Variants in MYH3 observed in about 807,000 individuals in gnomAD.
The protein encoded by MYH3 is myosin heavy chain 3.
A neutral mutation model predicts 238.0 loss-of-function variants in MYH3; 130 were observed. That is an observed-to-expected ratio of 0.55 (90% CI 0.47 to 0.63). The LOEUF (loss-of-function observed/expected upper bound fraction) is 0.63. Ranked by LOEUF, MYH3 falls within the 30% of genes least tolerant of loss-of-function variation. MYH3 has a pLI of 0.00. For synonymous variants in MYH3, 880 were observed against 924.1 expected (o/e 0.95, Z 0.86); for missense variants, 1,853 against 2,374.9 (o/e 0.78, Z 4.57).
chr17:10,658,357 C>G (rs1033607728), upstream of MYH3, among the ~76,000 whole-genome samples: 2 of 152,082 alleles, frequency 1.3e-5, no homozygotes, highest in African/African-American at 4.8e-5. Flanking sequence ...TAGAAACCGC[C>G]CCTTCCGTAC....
intron 32 of MYH3, 135 bp downstream of exon 32, chr17:10,633,882 T>G: frequency 6.8e-7 from 1 of 1,460,782 alleles, no homozygotes; most frequent in Non-Finnish European, 9.5e-7. Context: ...ACCCGTCAGA[T>G]GGTGAACACT....
At chr17:10,637,960 A>C (rs748735819) in intron 27 of MYH3, 25 bp from the exon 28 acceptor site, 23 of 1,614,088 alleles carry the variant, frequency 1.4e-5, no homozygotes, top group Non-Finnish European at 1.9e-5. Context: ...AAGGGGAGCA[A>C]AGTCAGTCAG....
At chr17:10,657,233 C>T (rs1272390958) in intron 1 of MYH3, 56 bp downstream of exon 1, 3 of 152,290 alleles carry the variant, frequency 2.0e-5, no homozygotes, top group Non-Finnish European at 4.4e-5. Flanking sequence ...TGGATGTGCT[C>T]ACCGGGTGGG....
intron 30 of MYH3, 121 bp from the exon 31 acceptor site, chr17:10,635,144 C>G: frequency 7.5e-7 from 1 of 1,336,020 alleles, no homozygotes; most frequent in Non-Finnish European, 1.0e-6. Context: ...TTTATACGCC[C>G]AGGAGAATTT....
chr17:10,661,997 A>G (rs1345429933), upstream of MYH3, among the ~76,000 whole-genome samples: 2 of 150,806 alleles, frequency 1.3e-5, no homozygotes, highest in Non-Finnish European at 3.0e-5. Flanking sequence ...TATATTATGC[A>G]CCTTCCCCAG....
At chr17:10,634,742 G>C in intron 31 of MYH3, 98 bp downstream of exon 31, 2 of 1,460,060 alleles carry the variant, frequency 1.4e-6, no homozygotes, top group Non-Finnish European at 1.9e-6. Flanking sequence ...CACTGCTGGT[G>C]AGGGCAGAGT....
intron 19 of MYH3, 120 bp from the exon 20 acceptor site, chr17:10,640,806 C>G (rs1201652523): frequency 6.1e-6 from 8 of 1,303,284 alleles, no homozygotes; most frequent in Non-Finnish European, 8.6e-6. Context: ...GATGAGGGAA[C>G]TAGCTCGGAG....
chr17:10,652,211 G>A, intron 4 of MYH3: 1 of 671,936 alleles, frequency 1.5e-6, no homozygotes, highest in Middle Eastern at 4.0e-4. Flanking sequence ...CCGCTCTCCG[G>A]CTCCTGGTCC....
intron 4 of MYH3, 115 bp from the exon 5 acceptor site, chr17:10,651,783 CA>C (rs2074378615): frequency 7.2e-7 from 1 of 1,380,670 alleles, no homozygotes; most frequent in Non-Finnish European, 9.7e-7. Context: ...CTCACTCTGT[CA>C]CCAGGCTGGA....
intron 28 of MYH3, among the ~76,000 whole-genome samples, chr17:10,637,352 A>C (rs961887738): frequency 1.3e-5 from 2 of 151,974 alleles, no homozygotes; most frequent in Admixed American, 1.3e-4. Context: ...GAGCTACCAC[A>C]CCCGGCCTCC....
upstream of MYH3, among the ~76,000 whole-genome samples, chr17:10,661,945 A>G (rs550379009): frequency 1.3e-5 from 2 of 152,310 alleles, no homozygotes; most frequent in African/African-American, 4.8e-5. Flanking sequence ...GAAGAAATTC[A>G]AGAAGAGAGA....
chr17:10,669,984 A>G, the MYH3 span, among the ~76,000 whole-genome samples: 1 of 152,234 alleles, frequency 6.6e-6, no homozygotes, highest in African/African-American at 2.4e-5. Context: ...TTTAAGGCAC[A>G]AGAGAGATTT....
chr17:10,660,198 C>T (rs1237320883), upstream of MYH3, among the ~76,000 whole-genome samples: 5 of 152,228 alleles, frequency 3.3e-5, no homozygotes, highest in Non-Finnish European at 7.3e-5. Flanking sequence ...ATCCCAACAT[C>T]GCACACACCA....
At chr17:10,651,718 G>A (rs1475922781) in intron 4 of MYH3, 50 bp from the exon 5 acceptor site, 1 of 1,593,024 alleles carries the variant, frequency 6.3e-7, no homozygotes, top group East Asian at 2.2e-5. Flanking sequence ...TGTGCATATG[G>A]AAAACCCCTT....
chr17:10,646,287 G>A (rs1314183786), intron 10 of MYH3, among the ~76,000 whole-genome samples: 4 of 152,156 alleles, frequency 2.6e-5, no homozygotes, highest in Non-Finnish European at 4.4e-5. Context: ...TGCCTTGCAC[G>A]CTAATGGTGC....
intron 7 of MYH3, among the ~76,000 whole-genome samples, chr17:10,648,941 C>G (rs1441217985): frequency 6.6e-6 from 1 of 152,126 alleles, no homozygotes; most frequent in Non-Finnish European, 1.5e-5. Flanking sequence ...TCCCAAAGTG[C>G]TGGGATTACA....
Position 10,629,706 on chromosome 17 carries a change from T to C in MYH3, c.5687A>G (p.Lys1896Arg), listed in dbSNP as rs1162608892. 3 of 1,614,252 alleles carry C rather than the reference T, an allele frequency of 1.9e-6. No homozygotes were observed. Among genetic ancestry groups the C allele is most frequent in the South Asian group, 1.1e-5 (1 of 91,086 alleles). The stretch of plus-strand genomic sequence containing the variant: ...CAGCTCATGCTGAGCCTTTCGGAAT[T>C]TGGTGAGATGAGCATTGGCTTGTTC... ...ADEQANAHLTKFRKAQHELEE... is the reference protein window; with the variant it reads ...ADEQANAHLTRFRKAQHELEE... Residue 1896 changes from lysine (K) to arginine (R), a missense_variant, in exon 40 of 41, where the codon AAA becomes AGA. Lys to Arg is a conservative substitution (Grantham distance 26). Around this residue, in one of 3 missense-constraint regions of MYH3, gnomAD observed 1,044 missense variants for 1,192.6 expected, o/e 0.88. Transcript: ENST00000583535.
At chr17:10,628,843 T>C (rs1016894286) in intron 40 of MYH3, among the ~76,000 whole-genome samples, 164 bp from the exon 41 acceptor site, 1 of 152,062 alleles carries the variant, frequency 6.6e-6, no homozygotes, top group South Asian at 2.1e-4. Context: ...AGTCACCCCA[T>C]AGCCTGAGAA....
chr17:10,634,038 G>A lies in MYH3; in HGVS notation c.4501C>T (p.Arg1501Trp), dbSNP rs551438676. 20 of 1,614,006 alleles carry A rather than the reference G, an allele frequency of 1.2e-5. No homozygotes were observed. The highest frequency in any genetic ancestry group is 6.7e-5 in the Admixed American group (4 of 59,996). ...TTACGCTCTAAGTTCTTATTTTCCC[G>A]TTTCACAGTTTCAAGTTGATCTAAG... Reference protein sequence around the residue: ...EALDQLETVKRENKNLEQEIA... With the variant: ...EALDQLETVKWENKNLEQEIA... The change falls in exon 32 of 41, where the codon CGG becomes TGG. Residue 1501 changes from arginine to tryptophan, a missense_variant. Coordinates refer to ENST00000583535, the MANE Select transcript of MYH3 (RefSeq NM_002470.4).
Sources: allele counts gnomAD v4.1 joint callset (sites outside exome capture counted in the v4.1 genomes callset), GRCh38; gene constraint gnomAD v4.1.1; regional missense constraint gnomAD v4.1.1; transcripts MANE v1.5; gene names NCBI Gene and HGNC (gene_info 2026-07-23, HGNC 2026-07-21).